Variants in EZH2 observed in about 807,000 individuals in gnomAD.
The protein encoded by EZH2 is histone-lysine N-methyltransferase EZH2.
EZH2 carries 18 observed loss-of-function variants against 98.4 expected under a neutral mutation model. The ratio of observed to expected loss-of-function variants is 0.18; its 90% CI spans 0.13 to 0.27. EZH2 has a LOEUF of 0.27. Ranked by LOEUF, EZH2 falls within the 10% of genes least tolerant of loss-of-function variation. The probability of loss-of-function intolerance (pLI) is 1.00; values close to 1 mark genes in which losing one functional copy is unlikely to be tolerated. For missense variants in EZH2, 470 were observed against 935.1 expected (o/e 0.50, Z 6.49); for synonymous variants, 338 against 312.3 (o/e 1.08, Z -0.87).
At chr7:148,825,549 G>A (rs756712589) in intron 8 of EZH2, among the ~76,000 whole-genome samples, 32 of 152,322 alleles carry the variant, frequency 2.1e-4, no homozygotes, top group Non-Finnish European at 4.7e-4. Flanking sequence ...TTAGGAGGAG[G>A]TGAGGTACAG....
chr7:148,808,510 C>A (rs1169287138), intron 19 of EZH2, among the ~76,000 whole-genome samples: 1 of 152,230 alleles, frequency 6.6e-6, no homozygotes, highest in African/African-American at 2.4e-5. Flanking sequence ...TTGACAGTGT[C>A]AACTGGCAGC....
chr7:148,834,360 C>CATATATATATATAT (rs1482644901), intron 3 of EZH2, among the ~76,000 whole-genome samples: 30 of 126,166 alleles, frequency 2.4e-4, no homozygotes, highest in African/African-American at 8.2e-4. Context: ...TATACACACA[C>CATATATATATATAT]ACACACACAC....
At chr7:148,817,646 G>C (rs1478120059) in intron 10 of EZH2, 3 of 671,912 alleles carry the variant, frequency 4.5e-6, no homozygotes, top group Non-Finnish European at 7.5e-6. Flanking sequence ...CAAAGAATGA[G>C]AATAAAGTGC....
chr7:148,811,682 C>A lies in EZH2; in HGVS notation c.1890G>T (p.Gly630=). Residue 630 remains glycine, a synonymous_variant, in exon 16 of 20, where the codon GGG becomes GGT. Transcript: ENST00000320356. ...LLAPSDVAGW[G]IFIKDPVQKN... ...TCTGCACAGGATCTTTGATAAAAATCCCCCAGCCTGCCACGTCAGATGGTG... is the reference window on the plus strand; with the variant it reads ...TCTGCACAGGATCTTTGATAAAAATACCCCAGCCTGCCACGTCAGATGGTG... 1 of 1,613,276 alleles carries A rather than the reference C, an allele frequency of 6.2e-7. No homozygotes were observed. Among genetic ancestry groups the A allele is most frequent in the Non-Finnish European group, 8.5e-7 (1 of 1,179,972 alleles).
chr7:148,851,087 C>T lies in EZH2; in HGVS notation c.-7-3782G>A, dbSNP rs151019386. Reference sequence around the variant, plus strand: ...ACAAGCAAACAAACAGGTCTATTAACCCACATGAATAACGAGTAGCTTGTA... The same window carrying T: ...ACAAGCAAACAAACAGGTCTATTAATCCACATGAATAACGAGTAGCTTGTA... On this transcript the variant is annotated intron_variant, in intron 1 of 19. Transcript: ENST00000320356. Among the ~76,000 whole-genome samples, 392 of 152,178 alleles carry T rather than the reference C, an allele frequency of 2.6e-3. 1 individual carries two copies. Among genetic ancestry groups the T allele is most frequent in the Non-Finnish European group, 4.0e-3 (271 of 68,020 alleles).
At chr7:148,848,461 G>A (rs1240045003) in intron 1 of EZH2, among the ~76,000 whole-genome samples, 2 of 152,098 alleles carry the variant, frequency 1.3e-5, no homozygotes. Context: ...AAATGAGTAG[G>A]GCAGGCTTCA....
chr7:148,876,694 A>G (rs1247325688), intron 1 of EZH2, among the ~76,000 whole-genome samples: 2 of 152,150 alleles, frequency 1.3e-5, no homozygotes, highest in Non-Finnish European at 2.9e-5. Context: ...CCCCCCTTAC[A>G]CCAAAGAGGT....
chr7:148,822,255 ATC>A (rs1317848284), intron 8 of EZH2, among the ~76,000 whole-genome samples: 1 of 152,178 alleles, frequency 6.6e-6, no homozygotes, highest in African/African-American at 2.4e-5. Flanking sequence ...CACACCTGTA[ATC>A]TCAGCACTTT....
chr7:148,853,842 G>C (rs1195432918), intron 1 of EZH2, among the ~76,000 whole-genome samples: 1 of 152,122 alleles, frequency 6.6e-6, no homozygotes, highest in Non-Finnish European at 1.5e-5. Context: ...TGAATTAATG[G>C]AAGATGGGCT....
intron 1 of EZH2, among the ~76,000 whole-genome samples, chr7:148,855,936 C>A (rs2129487299): frequency 7.1e-6 from 1 of 140,456 alleles, no homozygotes; most frequent in Non-Finnish European, 1.5e-5. Flanking sequence ...TGACTATCAA[C>A]TACATAAATG....
chr7:148,856,944 T>C (rs1816919883), intron 1 of EZH2, among the ~76,000 whole-genome samples: 1 of 152,130 alleles, frequency 6.6e-6, no homozygotes, highest in Non-Finnish European at 1.5e-5. Context: ...CTAGATTCAA[T>C]GATTCACTTC....
chr7:148,824,280 A>G (rs1807024452), intron 8 of EZH2, among the ~76,000 whole-genome samples: 1 of 150,724 alleles, frequency 6.6e-6, no homozygotes, highest in South Asian at 2.1e-4. Context: ...ACACCACTGC[A>G]CTTCAGACTG....
intron 1 of EZH2, among the ~76,000 whole-genome samples, chr7:148,860,912 A>C (rs1159403847): frequency 1.3e-5 from 2 of 151,860 alleles, no homozygotes; most frequent in Non-Finnish European, 2.9e-5. Flanking sequence ...GGCTCAAACA[A>C]TCACCTCACC....
At chr7:148,817,836 T>C in intron 10 of EZH2, 41 bp downstream of exon 10, 2 of 1,613,856 alleles carry the variant, frequency 1.2e-6, no homozygotes, top group African/African-American at 1.3e-5. Flanking sequence ...CAACACGAAC[T>C]TTCACAGAAC....
chr7:148,862,773 A>G (rs910371234), intron 1 of EZH2, among the ~76,000 whole-genome samples: 2 of 152,184 alleles, frequency 1.3e-5, no homozygotes, highest in South Asian at 4.1e-4. Flanking sequence ...AATAAAATTA[A>G]TCATTTTTAG....
In EZH2 at chr7:148,807,478, A is replaced by C. The variant is rs1801771189; in HGVS notation, c.*168T>G. On this transcript the variant is annotated 3_prime_UTR_variant, in exon 20 of 20. Coordinates refer to ENST00000320356, the MANE Select transcript of EZH2 (RefSeq NM_004456.5). Reference sequence around the variant, plus strand: ...TACAAAACACTTTGCAGCTGGTGAGAAGGCAATAAAAAGTTGATTTTTAAA... The same window carrying C: ...TACAAAACACTTTGCAGCTGGTGAGCAGGCAATAAAAAGTTGATTTTTAAA... The C allele has an allele frequency of 1.6e-6, 1 of 616,202 alleles. No individual in the cohort carries two copies. The highest frequency in any genetic ancestry group is 1.8e-5 in the African/African-American group (1 of 54,402). 38.2% of individuals were successfully genotyped at this position (616,202 alleles called of 1,614,324 possible).
Position 148,823,289 on chromosome 7 carries a change from T to C in EZH2, c.907+3165A>G, listed in dbSNP as rs144846095. ...AACTTGCATGAAATGGGTACAGATA[T>C]TTGCTGTGGCATCGTTACAGCATAA... On this transcript the variant is annotated intron_variant, in intron 8 of 19. Coordinates refer to ENST00000320356, the MANE Select transcript of EZH2 (RefSeq NM_004456.5). Among the ~76,000 whole-genome samples, 9 of 152,290 alleles carry C rather than the reference T, an allele frequency of 5.9e-5. 1 individual carries two copies. Among genetic ancestry groups the C allele is most frequent in the Non-Finnish European group, 7.4e-5 (5 of 68,020 alleles).
Position 148,832,009 on chromosome 7 carries a change from A to G in EZH2, c.363+625T>C, listed in dbSNP as rs114448855. 3.6e-3 allele frequency among the ~76,000 whole-genome samples: 542 copies of G among 152,350 alleles called. 2 individuals are homozygous for G. The highest frequency in any genetic ancestry group is 0.012 in the African/African-American group (506 of 41,580). ...ATGCTACCTAAAGTTGTTTTAAATA[A>G]TAAGTTCTCAATTAACAAAAACTCA... On this transcript the variant is annotated intron_variant, in intron 4 of 19. Transcript: ENST00000320356.
chr7:148,836,556 A>C (rs866897546), intron 3 of EZH2, among the ~76,000 whole-genome samples: 1 of 152,144 alleles, frequency 6.6e-6, no homozygotes, highest in Non-Finnish European at 1.5e-5. Flanking sequence ...AAGAATTTTT[A>C]CCTCATGGGT....
Sources: gnomAD v4.1 joint callset for allele counts (sites outside exome capture counted in the v4.1 genomes callset) on GRCh38, gnomAD v4.1.1 for gene constraint, MANE v1.5 for transcripts, NCBI Gene and HGNC (gene_info 2026-07-23, HGNC 2026-07-21) for gene names.